The following GAB2 variants were observed in gnomAD, a reference collection of about 807,000 sequenced individuals.
The protein encoded by GAB2 is GRB2-associated-binding protein 2.
In GAB2, 26 loss-of-function variants were observed where a neutral mutation model predicts 65.5. That is an observed-to-expected ratio of 0.40 (90% CI 0.29 to 0.55). GAB2 has a LOEUF of 0.55. Among genes scored for constraint, GAB2 ranks in the 20% least tolerant of loss-of-function variants. The pLI is 0.53. For missense variants in GAB2, 884 were observed against 875.8 expected, an observed-to-expected ratio of 1.01 and a Z score of -0.12; for synonymous variants, 321 against 329.6, an observed-to-expected ratio of 0.97 and a Z score of 0.28.
chr11:78,253,360 T>C (rs1749887578), intron 2 of GAB2, among the ~76,000 whole-genome samples: 1 of 152,250 alleles, frequency 6.6e-6, no homozygotes, highest in Non-Finnish European at 1.5e-5. Flanking sequence ...GGTGCAATCA[T>C]AGCTCACTAT....
chr11:78,384,141 G>A (rs12274496), intron 1 of GAB2, among the ~76,000 whole-genome samples: 5,042 of 152,280 alleles, frequency 0.033, 127 homozygotes, highest in Non-Finnish European at 0.046. Context: ...CAAACCTGAT[G>A]CACCTCAAAG....
intron 1 of GAB2, among the ~76,000 whole-genome samples, chr11:78,377,123 C>T (rs1309662826): frequency 6.6e-6 from 1 of 152,200 alleles, no homozygotes; most frequent in Non-Finnish European, 1.5e-5. Context: ...TCTGGTAAAG[C>T]CTGCAGAACT....
chr11:78,225,730 C>G (rs902125210), intron 4 of GAB2, among the ~76,000 whole-genome samples: 2 of 152,160 alleles, frequency 1.3e-5, no homozygotes, highest in African/African-American at 4.8e-5. Context: ...ATCTCTGGCA[C>G]AATGACTCTG....
intron 1 of GAB2, among the ~76,000 whole-genome samples, chr11:78,315,250 C>G (rs961972987): frequency 4.6e-5 from 7 of 152,158 alleles, no homozygotes; most frequent in African/African-American, 1.4e-4. Context: ...AGTCTATTCC[C>G]CTCTTCTTCT....
intron 2 of GAB2, among the ~76,000 whole-genome samples, chr11:78,277,135 A>G (rs1336642313): frequency 6.6e-6 from 1 of 152,204 alleles, no homozygotes; most frequent in Non-Finnish European, 1.5e-5. Context: ...TGATTAAGAA[A>G]GATATCTCCA....
chr11:78,239,299 C>A (rs978872620), intron 3 of GAB2, among the ~76,000 whole-genome samples: 2 of 152,138 alleles, frequency 1.3e-5, no homozygotes, highest in African/African-American at 4.8e-5. Flanking sequence ...AAGTTCACTG[C>A]AACCTCCACC....
intron 4 of GAB2, among the ~76,000 whole-genome samples, chr11:78,225,769 T>C (rs918009852): frequency 2.6e-5 from 4 of 152,208 alleles, no homozygotes; most frequent in African/African-American, 4.8e-5. Flanking sequence ...TTAACTGTCA[T>C]TGGCCTCATG....
Position 78,220,463 on chromosome 11 carries a change from A to C in GAB2, c.1762-19T>G. Reference sequence around the variant, plus strand: ...GGTTTTGCTGTCACGAGGAGGAAAAAACTGTGAGTGACTGCAGAAAACAGA... The same window carrying C: ...GGTTTTGCTGTCACGAGGAGGAAAACACTGTGAGTGACTGCAGAAAACAGA... On this transcript the variant is annotated intron_variant, in intron 8 of 9. Transcript: ENST00000361507. 1 of 1,551,526 alleles carries C rather than the reference A, an allele frequency of 6.4e-7. No homozygotes were observed.
chr11:78,278,149 A>G (rs1363527212), intron 2 of GAB2, among the ~76,000 whole-genome samples: 5 of 149,704 alleles, frequency 3.3e-5, no homozygotes, highest in Non-Finnish European at 5.9e-5. Context: ...GGCTCACTGC[A>G]ACCTCTGCCT....
chr11:78,233,481 A>AT (rs1864902458), intron 3 of GAB2, among the ~76,000 whole-genome samples: 1 of 152,056 alleles, frequency 6.6e-6, no homozygotes, highest in Non-Finnish European at 1.5e-5. Context: ...ATCTATTCAC[A>AT]TTTTTTGCCC....
At chr11:78,242,426 T>C (rs1451184500) in intron 3 of GAB2, among the ~76,000 whole-genome samples, 1 of 151,240 alleles carries the variant, frequency 6.6e-6, no homozygotes, top group Non-Finnish European at 1.5e-5. Context: ...GGTGTGAACC[T>C]GGGAGGCAGA....
intron 1 of GAB2, among the ~76,000 whole-genome samples, chr11:78,285,410 GC>G (rs1169865690): frequency 1.4e-4 from 22 of 152,324 alleles, no homozygotes; most frequent in African/African-American, 5.3e-4. Flanking sequence ...AGTCAGCAAG[GC>G]TGTCTAGTCT....
rs139829980 is a variant in GAB2 at position 78,327,877 on chromosome 11, T to C, written c.76-46976A>G. Among the ~76,000 whole-genome samples, 103 of 152,270 alleles carry C rather than the reference T, an allele frequency of 6.8e-4. 1 individual carries two copies. In the East Asian group the frequency reaches 0.013, roughly 19 times the overall value. ...AAGATGGATATAATACCTTACTAGA[T>C]TGAATTGAAGAAGTGGATGTTAAAG... On this transcript the variant is annotated intron_variant, in intron 1 of 9. Coordinates refer to ENST00000361507, the MANE Select transcript of GAB2 (RefSeq NM_080491.3).
At chr11:78,295,623 G>A (rs1196155463) in intron 1 of GAB2, among the ~76,000 whole-genome samples, 2 of 152,166 alleles carry the variant, frequency 1.3e-5, no homozygotes, top group Non-Finnish European at 2.9e-5. Flanking sequence ...ATAATGGTAT[G>A]AACAGAGGTT....
intron 2 of GAB2, among the ~76,000 whole-genome samples, chr11:78,263,219 CAAGAT>C (rs1488132183): frequency 1.3e-5 from 2 of 152,102 alleles, no homozygotes; most frequent in Non-Finnish European, 2.9e-5. Flanking sequence ...GAAGAAATGA[CAAGAT>C]AAGCTAGTTT....
chr11:78,284,327 C>T (rs1001008652), intron 1 of GAB2, among the ~76,000 whole-genome samples: 7 of 152,194 alleles, frequency 4.6e-5, no homozygotes, highest in African/African-American at 1.4e-4. Flanking sequence ...TATCCTCAAC[C>T]GCAAAGTAAG....
chr11:78,262,619 T>G (rs544361028), intron 2 of GAB2, among the ~76,000 whole-genome samples: 1 of 152,170 alleles, frequency 6.6e-6, no homozygotes, highest in Non-Finnish European at 1.5e-5. Flanking sequence ...TCTCAGCCCC[T>G]GCCTCCAGTC....
At chr11:78,380,393 CAG>C (rs1234198067) in intron 1 of GAB2, among the ~76,000 whole-genome samples, 3 of 152,010 alleles carry the variant, frequency 2.0e-5, no homozygotes, top group South Asian at 4.1e-4. Context: ...TTAGTAGAGA[CAG>C]GGGTTTCACC....
Position 78,226,502 on chromosome 11 carries a change from G to A in GAB2, c.1170C>T (p.Asn390=), listed in dbSNP as rs767616636. 1 of 1,613,000 alleles carries A rather than the reference G, an allele frequency of 6.2e-7. No individual in the cohort carries two copies. Among genetic ancestry groups the A allele is most frequent in the Non-Finnish European group, 8.5e-7 (1 of 1,179,892 alleles). The change falls in exon 4 of 10, where the codon AAC becomes AAT. Residue 390 remains asparagine, a synonymous_variant. Transcript: ENST00000361507. ...RSVAATIPRR[N]TLPAMDNSRL... is the part of the protein sequence containing the mutation. Reference sequence around the variant, plus strand: ...GGCTGTTGTCCATTGCAGGGAGGGTGTTGCGTCTGGGGATGGTGGCAGCGA... The same window carrying A: ...GGCTGTTGTCCATTGCAGGGAGGGTATTGCGTCTGGGGATGGTGGCAGCGA...
Sources: gnomAD v4.1 joint callset for allele counts (sites outside exome capture counted in the v4.1 genomes callset) on GRCh38, gnomAD v4.1.1 for gene constraint, MANE v1.5 for transcripts, NCBI Gene and HGNC (gene_info 2026-07-23, HGNC 2026-07-21) for gene names.